Variants in HSPG2 observed in about 807,000 individuals in gnomAD.
HSPG2 encodes the protein basement membrane-specific heparan sulfate proteoglycan core protein.
A neutral mutation model predicts 526.6 loss-of-function variants in HSPG2; 278 were observed. That is an observed-to-expected ratio of 0.53 (90% CI 0.48 to 0.58). HSPG2 has a LOEUF of 0.58. Ranked by LOEUF, HSPG2 falls within the 20% of genes least tolerant of loss-of-function variation. The pLI is 0.00. For synonymous variants in HSPG2, 2,465 were observed against 2,555.4 expected, an observed-to-expected ratio of 0.96 and a Z score of 1.07; for missense variants, 5,354 against 6,099.5, an observed-to-expected ratio of 0.88 and a Z score of 4.07.
intron 1 of HSPG2, chr1:21,908,294 A>G (rs924877307): frequency 3.6e-5 from 37 of 1,034,034 alleles, no homozygotes; most frequent in South Asian, 2.6e-4. Context: ...AGAGTCTACA[A>G]TGTTATCCAG....
chr1:21,842,443 G>A (rs1442155387), intron 67 of HSPG2, 63 bp from the exon 68 acceptor site: 1 of 1,485,566 alleles, frequency 6.7e-7, no homozygotes, highest in Non-Finnish European at 9.0e-7. Flanking sequence ...ATGTCCCCAA[G>A]CCCAACTGTG....
chr1:21,825,518 CAT>C (rs1266594518), intron 91 of HSPG2, among the ~76,000 whole-genome samples: 1 of 152,162 alleles, frequency 6.6e-6, no homozygotes, highest in African/African-American at 2.4e-5. Flanking sequence ...CCAGGATGTC[CAT>C]ACTGTGTGTG....
Position 21,859,718 on chromosome 1 carries a change from C to T in HSPG2, c.5183-42G>A. ...AAGAGCTTGTTGGTGCAGATACACT[C>T]TTTCTCACATCCAGCCCCATGCACA... On this transcript the variant is annotated intron_variant, in intron 41 of 96. Transcript: ENST00000374695. This position sits in a 1 kb window ranked among gnomAD's most constrained non-coding sequence, Gnocchi z 5.3. 1.3e-6 allele frequency: 2 copies of T among 1,584,488 alleles called. No individual in the cohort carries two copies. Among genetic ancestry groups the T allele is most frequent in the East Asian group, 2.3e-5 (1 of 43,950 alleles).
Position 21,828,450 on chromosome 1 carries a change from G to T in HSPG2, c.12238-24C>A. The stretch of plus-strand genomic sequence containing the variant: ...ACCTGTGGGGACAGGGACACCGAGG[G>T]ACTAAAGGGGCCTGGGAGGCAGAGA... On this transcript the variant is annotated intron_variant, in intron 88 of 96. Coordinates refer to ENST00000374695, the MANE Select transcript of HSPG2 (RefSeq NM_005529.7). This position sits in a 1 kb window ranked among gnomAD's most constrained non-coding sequence, Gnocchi z 6.0. 1 of 1,610,984 alleles carries T rather than the reference G, an allele frequency of 6.2e-7. No homozygotes were observed. The highest frequency in any genetic ancestry group is 1.6e-4 in the Middle Eastern group (1 of 6,062).
chr1:21,917,600 C>T lies in HSPG2; in HGVS notation c.63+19555G>A, dbSNP rs148115839. On this transcript the variant is annotated intron_variant, in intron 1 of 96. Coordinates refer to ENST00000374695, the MANE Select transcript of HSPG2 (RefSeq NM_005529.7). ...AAAGCTGGGCTTGGACTTCTCCACC[C>T]ATCAGCCCCCTGAGGCTCCTAAGAA... Among the ~76,000 whole-genome samples the T allele has an allele frequency of 4.4e-3, 673 of 152,272 alleles. 7 individuals are homozygous for T. Among genetic ancestry groups the T allele is most frequent in the African/African-American group, 0.015 (624 of 41,552 alleles).
intron 85 of HSPG2, 123 bp downstream of exon 85, chr1:21,830,859 T>G: frequency 1.5e-6 from 1 of 673,194 alleles, no homozygotes; most frequent in Non-Finnish European, 2.6e-6. Context: ...GAGTGGAGAG[T>G]GCTCAGGTGA....
intron 37 of HSPG2, among the ~76,000 whole-genome samples, chr1:21,863,674 G>A (rs1171547636): frequency 6.7e-6 from 1 of 150,334 alleles, no homozygotes; most frequent in Non-Finnish European, 1.5e-5. Flanking sequence ...TTGAACCCAG[G>A]AGGCAGAACG....
chr1:21,920,534 C>A (rs576640351), intron 1 of HSPG2, among the ~76,000 whole-genome samples: 2 of 152,228 alleles, frequency 1.3e-5, no homozygotes, highest in African/African-American at 2.4e-5. Context: ...TGGTTCCCCC[C>A]ACATCGCCTT....
chr1:21,857,004 G>A lies in HSPG2; in HGVS notation c.5575+11C>T. 2 of 1,613,524 alleles carry A rather than the reference G, an allele frequency of 1.2e-6. No homozygotes were observed. Among genetic ancestry groups the A allele is most frequent in the Non-Finnish European group, 1.7e-6 (2 of 1,179,446 alleles). ...CAGGAGGGGAGAATCAGGTATAGATGGGAGGTGTACCCTGCACATGTAGAG... is the reference window on the plus strand; with the variant it reads ...CAGGAGGGGAGAATCAGGTATAGATAGGAGGTGTACCCTGCACATGTAGAG... On this transcript the variant is annotated intron_variant, in intron 44 of 96. Transcript: ENST00000374695.
Position 21,851,821 on chromosome 1 carries a change from T to G in HSPG2, c.6976A>C (p.Thr2326Pro), listed in dbSNP as rs1638924308. 6.2e-7 allele frequency: 1 copy of G among 1,613,784 alleles called. No homozygotes were observed. Among genetic ancestry groups the G allele is most frequent in the East Asian group, 2.2e-5 (1 of 44,892 alleles). ...GMEASITVTV[T>P]GTQGANLAYP... Reference sequence around the variant, plus strand: ...GCTAAGTTGGCCCCCTGGGTCCCAGTTACTGTGACCGTGATGGAGGCCTCC... The same window carrying G: ...GCTAAGTTGGCCCCCTGGGTCCCAGGTACTGTGACCGTGATGGAGGCCTCC... The change falls in exon 54 of 97, where the codon ACT (threonine) becomes CCT (proline). Residue 2326 changes from threonine to proline, a missense_variant. Transcript: ENST00000374695.
intron 1 of HSPG2, among the ~76,000 whole-genome samples, chr1:21,934,181 C>T (rs1006559186): frequency 3.9e-5 from 6 of 152,364 alleles, no homozygotes; most frequent in African/African-American, 1.2e-4. Flanking sequence ...GTCCCCCGTC[C>T]CGGGGAAGCC....
chr1:21,934,296 G>A (rs1450877795), intron 1 of HSPG2, among the ~76,000 whole-genome samples: 1 of 152,240 alleles, frequency 6.6e-6, no homozygotes, highest in African/African-American at 2.4e-5. Context: ...AAGGGTAGCA[G>A]GCAAAGAGGG....
intron 1 of HSPG2, among the ~76,000 whole-genome samples, chr1:21,918,949 C>G (rs1185167659): frequency 6.6e-6 from 1 of 152,216 alleles, no homozygotes; most frequent in Non-Finnish European, 1.5e-5. Flanking sequence ...TGGGCTCCTC[C>G]CCCTCTCCTC....
chr1:21,864,794 T>C lies in HSPG2; in HGVS notation c.4626+49A>G. 1 of 1,487,584 alleles carries C rather than the reference T, an allele frequency of 6.7e-7. No individual in the cohort carries two copies. Among genetic ancestry groups the C allele is most frequent in the Non-Finnish European group, 9.3e-7 (1 of 1,080,190 alleles). 92.1% of individuals were successfully genotyped at this position (1,487,584 alleles called of 1,614,324 possible). ...CGGCGACGCCGGCTGATTTGCTTGC[T>C]GATGCCTCTGTGCCTGTGCAGAGGT... On this transcript the variant is annotated intron_variant, in intron 36 of 96. Transcript: ENST00000374695. The surrounding 1 kb of genome is among the most constrained non-coding windows in gnomAD (Gnocchi z 4.8).
intron 3 of HSPG2, among the ~76,000 whole-genome samples, chr1:21,892,189 A>G (rs1164833737): frequency 6.6e-6 from 1 of 152,136 alleles, no homozygotes; most frequent in African/African-American, 2.4e-5. Flanking sequence ...CCTGCCCTGA[A>G]CCGCTGGGCT....
In HSPG2 at chr1:21,858,624, T is replaced by C. The variant is rs1009598023; in HGVS notation, c.5293+942A>G. On this transcript the variant is annotated intron_variant, in intron 42 of 96. Transcript: ENST00000374695. The surrounding 1 kb of genome is among the most constrained non-coding windows in gnomAD (Gnocchi z 4.2). ...CACGTCCAAAACAAACTTGCGATTCTCTCTGACCTGTTTGTAGCCTGTGCT... is the reference window on the plus strand; with the variant it reads ...CACGTCCAAAACAAACTTGCGATTCCCTCTGACCTGTTTGTAGCCTGTGCT... Among the ~76,000 whole-genome samples, 1 of 152,224 alleles carries C rather than the reference T, an allele frequency of 6.6e-6. No individual in the cohort carries two copies. Among genetic ancestry groups the C allele is most frequent in the Non-Finnish European group, 1.5e-5 (1 of 68,046 alleles).
Position 21,875,403 on chromosome 1 carries a change from C to A in HSPG2, c.3302+226G>T, listed in dbSNP as rs12409663. Reference sequence around the variant, plus strand: ...CCCCTCCCCCCTCCTGCGTCCCTCTCCTTGTGAATCACATGCACCCCAATC... The same window carrying A: ...CCCCTCCCCCCTCCTGCGTCCCTCTACTTGTGAATCACATGCACCCCAATC... On this transcript the variant is annotated intron_variant, in intron 25 of 96. Transcript: ENST00000374695. Among the ~76,000 whole-genome samples, 2,921 of 152,194 alleles carry A rather than the reference C, an allele frequency of 0.019. 107 individuals are homozygous for A. Among genetic ancestry groups the A allele is most frequent in the East Asian group, 0.16 (850 of 5,166 alleles).
chr1:21,846,454 G>T lies in HSPG2; in HGVS notation c.8310C>A (p.His2770Gln). Residue 2770 changes from histidine to glutamine, a missense_variant, in exon 63 of 97, where the codon CAC (histidine) becomes CAA (glutamine). Transcript: ENST00000374695. ...WHKRGGSLPS[H>Q]HQTRGSRLRL... The stretch of plus-strand genomic sequence containing the variant: ...TTTCCTGCCAGCTGCATACCTGATG[G>T]TGACTGGGGAGGCTGCCCCCACGCT... The T allele has an allele frequency of 6.2e-7, 1 of 1,613,498 alleles. No homozygotes were observed. The highest frequency in any genetic ancestry group is 8.5e-7 in the Non-Finnish European group (1 of 1,180,048).
In HSPG2 at chr1:21,846,143, A is replaced by G; in HGVS notation, c.8429T>C (p.Ile2810Thr). 6.2e-7 allele frequency: 1 copy of G among 1,613,080 alleles called. No homozygotes were observed. The highest frequency in any genetic ancestry group is 8.5e-7 in the Non-Finnish European group (1 of 1,180,018). ...GPLEASVLVT[I>T]EASGSSAVHV... ...GACAGCACTTGAGCCAGAGGCTTCG[A>G]TGGTGACCAGGACTGAGGCCTCCAG... Residue 2810 changes from isoleucine (I) to threonine (T), a missense_variant, in exon 64 of 97, where the codon ATC becomes ACC. Coordinates refer to ENST00000374695, the MANE Select transcript of HSPG2 (RefSeq NM_005529.7).
Sources: allele counts gnomAD v4.1 joint callset (sites outside exome capture counted in the v4.1 genomes callset), GRCh38; gene constraint gnomAD v4.1.1; non-coding constraint Gnocchi (gnomAD v3.1); transcripts MANE v1.5; gene names NCBI Gene and HGNC (gene_info 2026-07-23, HGNC 2026-07-21).